The following GLO1 variants were observed in gnomAD, a reference collection of about 807,000 sequenced individuals.
GLO1 encodes the protein lactoylglutathione lyase.
A neutral mutation model predicts 26.0 loss-of-function variants in GLO1; 28 were observed. The observed-to-expected ratio is 1.08, with a 90% CI of 0.80 to 1.48. GLO1 has a LOEUF of 1.48. Among genes scored for constraint, GLO1 ranks in the 40% most tolerant of loss-of-function variants. GLO1 has a pLI of 0.00. For synonymous variants in GLO1, 78 were observed against 77.6 expected (o/e 1.00, Z -0.03); for missense variants, 225 against 224.8 (o/e 1.00, Z -0.01).
At chr6:38,699,646 C>T (rs1761666326) in intron 1 of GLO1, among the ~76,000 whole-genome samples, 1 of 152,068 alleles carries the variant, frequency 6.6e-6, no homozygotes, top group South Asian at 2.1e-4. Context: ...TAAACGCCCG[C>T]TCTGGGAATG....
At chr6:38,685,225 G>A (rs1444814489) in intron 2 of GLO1, among the ~76,000 whole-genome samples, 1 of 152,156 alleles carries the variant, frequency 6.6e-6, no homozygotes, top group East Asian at 1.9e-4. Context: ...GTGACAATGG[G>A]GAGGTAGGCG....
chr6:38,690,735 A>C (rs771647740), intron 1 of GLO1, among the ~76,000 whole-genome samples: 73 of 152,238 alleles, frequency 4.8e-4, no homozygotes, highest in Non-Finnish European at 8.5e-4. Flanking sequence ...TGGCAAAAAA[A>C]GTAAGATATA....
At chr6:38,682,299 A>C (rs1405126248) in intron 4 of GLO1, among the ~76,000 whole-genome samples, 198 bp from the exon 5 acceptor site, 1 of 152,240 alleles carries the variant, frequency 6.6e-6, no homozygotes, top group Non-Finnish European at 1.5e-5. Context: ...GTAGTTAATT[A>C]GTTGCCTTGA....
chr6:38,678,409 G>A (rs1003243938), intron 5 of GLO1, among the ~76,000 whole-genome samples: 7 of 142,106 alleles, frequency 4.9e-5, no homozygotes, highest in African/African-American at 1.4e-4. Flanking sequence ...GAAAAGAAAA[G>A]GAAAAGAAAA....
At chr6:38,685,788 T>C (rs1761453049) in intron 2 of GLO1, among the ~76,000 whole-genome samples, 1 of 152,212 alleles carries the variant, frequency 6.6e-6, no homozygotes, top group Non-Finnish European at 1.5e-5. Flanking sequence ...TCTCAGCTGT[T>C]CAAATCTTCC....
At chr6:38,701,048 G>A (rs1024302201) in intron 1 of GLO1, among the ~76,000 whole-genome samples, 1 of 152,080 alleles carries the variant, frequency 6.6e-6, no homozygotes, top group Non-Finnish European at 1.5e-5. Flanking sequence ...CAAAGTGCTG[G>A]GATTACAGGC....
At chr6:38,680,992 C>G (rs1037881757) in intron 5 of GLO1, among the ~76,000 whole-genome samples, 1 of 152,146 alleles carries the variant, frequency 6.6e-6, no homozygotes, top group Non-Finnish European at 1.5e-5. Context: ...CTATCCCACT[C>G]TAGGTAATAG....
In GLO1 at chr6:38,682,162, C is replaced by T. The variant is rs546409075; in HGVS notation, c.377-61G>A. 69 of 882,456 alleles carry T rather than the reference C, an allele frequency of 7.8e-5. 1 individual carries two copies. The South Asian group carries it at 8.6e-4, about 11-fold the overall frequency. 54.7% of individuals were successfully genotyped at this position (882,456 alleles called of 1,614,324 possible). A position where few individuals can be genotyped will look rare whatever the true frequency, so the allele number is the denominator to read the frequency against. On this transcript the variant is annotated intron_variant, in intron 4 of 5. Coordinates refer to ENST00000373365, the MANE Select transcript of GLO1 (RefSeq NM_006708.3). ...GAAGAAATAATTATAACAGGGTGTC[C>T]AAGTACCACAAGTAGATTCCAAAAC...
At chr6:38,700,778 T>C (rs1582783880) in intron 1 of GLO1, among the ~76,000 whole-genome samples, 1 of 135,658 alleles carries the variant, frequency 7.4e-6, no homozygotes, top group Middle Eastern at 3.8e-3. Context: ...TTTAATTCAT[T>C]GAGGGTTTTT....
In GLO1 at chr6:38,703,114, C is replaced by A; in HGVS notation, c.-60G>T. 1.0e-6 allele frequency: 1 copy of A among 978,662 alleles called. No homozygotes were observed. Among genetic ancestry groups the A allele is most frequent in the Non-Finnish European group, 1.6e-6 (1 of 634,308 alleles). 60.6% of individuals were successfully genotyped at this position (978,662 alleles called of 1,614,324 possible). A position where few individuals can be genotyped will look rare whatever the true frequency, so the allele number is the denominator to read the frequency against. Reference sequence around the variant, plus strand: ...AGGAACGGAGGAGTCACCCACACTACGCCTCGGCCCTGTGCCGCCTTAACT... The same window carrying A: ...AGGAACGGAGGAGTCACCCACACTAAGCCTCGGCCCTGTGCCGCCTTAACT... On this transcript the variant is annotated 5_prime_UTR_variant, in exon 1 of 6. Transcript: ENST00000373365.
chr6:38,682,681 A>G (rs1019204106), intron 4 of GLO1, 127 bp downstream of exon 4: 21 of 482,700 alleles, frequency 4.4e-5, no homozygotes, highest in Middle Eastern at 6.2e-4. Flanking sequence ...AAAAATAATC[A>G]TATCTCTAAT....
At chr6:38,702,235 T>C (rs1761714660) in intron 1 of GLO1, among the ~76,000 whole-genome samples, 1 of 152,222 alleles carries the variant, frequency 6.6e-6, no homozygotes, top group Non-Finnish European at 1.5e-5. Flanking sequence ...CAACTGTGTC[T>C]GATCTTAACA....
At chr6:38,697,003 C>T (rs1041530941) in intron 1 of GLO1, among the ~76,000 whole-genome samples, 1 of 151,558 alleles carries the variant, frequency 6.6e-6, no homozygotes, top group African/African-American at 2.4e-5. Context: ...ACTGCAACCT[C>T]TGCCTCCCAG....
chr6:38,683,050 T>A, intron 3 of GLO1, 175 bp from the exon 4 acceptor site: 1 of 571,008 alleles, frequency 1.8e-6, no homozygotes, highest in African/African-American at 1.9e-5. Context: ...CAAAGTATGA[T>A]TTTAACGAGA....
intron 5 of GLO1, among the ~76,000 whole-genome samples, chr6:38,680,351 G>A (rs945392082): frequency 9.9e-5 from 15 of 151,884 alleles, no homozygotes; most frequent in Admixed American, 2.6e-4. Context: ...GAGAAACCCC[G>A]TCTCTACTAA....
intron 1 of GLO1, among the ~76,000 whole-genome samples, chr6:38,691,210 T>G (rs1245409240): frequency 6.6e-6 from 1 of 152,212 alleles, no homozygotes; most frequent in Non-Finnish European, 1.5e-5. Flanking sequence ...GATTTGCTCC[T>G]GTGCCTTATC....
intron 5 of GLO1, among the ~76,000 whole-genome samples, chr6:38,681,580 A>G (rs1216359828): frequency 6.6e-6 from 1 of 152,212 alleles, no homozygotes; most frequent in East Asian, 1.9e-4. Flanking sequence ...AAGGACATAC[A>G]AAGGTTATAA....
At position 38,703,015 on chromosome 6, in the gene GLO1, C is replaced by T. The variant is rs767814917; in HGVS notation, c.40G>A (p.Glu14Lys). Residue 14 changes from glutamate (E) to lysine (K), a missense_variant, in exon 1 of 6, where the codon GAG becomes AAG. Transcript: ENST00000373365. Reference protein sequence around the residue: ...PQPPSGGLTDEAALSCCSDAD... With the variant: ...PQPPSGGLTDKAALSCCSDAD... ...TCGGAGCAGCAACTGAGGGCGGCCTCGTCCGTGAGGCCGCCGGACGGGGGC... is the reference window on the plus strand; with the variant it reads ...TCGGAGCAGCAACTGAGGGCGGCCTTGTCCGTGAGGCCGCCGGACGGGGGC... 2 of 1,591,190 alleles carry T rather than the reference C, an allele frequency of 1.3e-6. No individual in the cohort carries two copies. The highest frequency in any genetic ancestry group is 1.1e-5 in the South Asian group (1 of 90,588).
rs1303757229 is a variant in GLO1, at chr6:38,677,393, G to C, written c.467-10C>G. ...AGGCCTTTCATTTTACCTGTAAAAT[G>C]AAAATTTTCATTATTGAAAAGACTA... On this transcript the variant is annotated splice_polypyrimidine_tract_variant and intron_variant, in intron 5 of 5. Coordinates refer to ENST00000373365, the MANE Select transcript of GLO1 (RefSeq NM_006708.3). The C allele has an allele frequency of 1.6e-6, 2 of 1,222,704 alleles. No individual in the cohort carries two copies. The highest frequency in any genetic ancestry group is 2.3e-5 in the East Asian group (1 of 43,162). The allele number at this position is 1,222,704 out of a possible 1,614,324, so 75.7% of individuals were successfully genotyped here. A position where few individuals can be genotyped will look rare whatever the true frequency, so the allele number is the denominator to read the frequency against.
Sources: gnomAD v4.1 joint callset for allele counts (sites outside exome capture counted in the v4.1 genomes callset) on GRCh38, gnomAD v4.1.1 for gene constraint, MANE v1.5 for transcripts, NCBI Gene and HGNC (gene_info 2026-07-23, HGNC 2026-07-21) for gene names.